Variants in PDE4B observed in about 807,000 individuals in gnomAD.
PDE4B encodes the protein phosphodiesterase 4B, also known as 3',5'-cyclic-AMP phosphodiesterase 4B.
A neutral mutation model predicts 82.2 loss-of-function variants in PDE4B; 20 were observed. The ratio of observed to expected loss-of-function variants is 0.24; its 90% CI spans 0.17 to 0.35. The LOEUF is 0.35. Ranked by LOEUF, PDE4B falls within the 10% of genes least tolerant of loss-of-function variation. The pLI is 1.00. For synonymous variants in PDE4B, 320 were observed against 318.9 expected (o/e 1.00, Z -0.04); for missense variants, 655 against 907.2 (o/e 0.72, Z 3.57).
intron 3 of PDE4B, among the ~76,000 whole-genome samples, chr1:65,979,133 C>T (rs1015372562): frequency 6.6e-6 from 1 of 152,150 alleles, no homozygotes; most frequent in Non-Finnish European, 1.5e-5. Context: ...TTGGAACCCT[C>T]ACTCCAGAAA....
chr1:66,147,230 C>T (rs1405699993), intron 3 of PDE4B, among the ~76,000 whole-genome samples: 1 of 152,182 alleles, frequency 6.6e-6, no homozygotes, highest in Non-Finnish European at 1.5e-5. Flanking sequence ...GTTCCCATTG[C>T]TATAAGCAAA....
intron 3 of PDE4B, among the ~76,000 whole-genome samples, chr1:66,177,679 C>A (rs888360604): frequency 8.0e-6 from 1 of 125,592 alleles, no homozygotes; most frequent in African/African-American, 3.0e-5. Flanking sequence ...GTGTCCACAG[C>A]GCATTGAAGC....
chr1:66,218,717 A>C (rs1570492607), intron 3 of PDE4B, among the ~76,000 whole-genome samples: 1 of 152,126 alleles, frequency 6.6e-6, no homozygotes, highest in Admixed American at 6.6e-5. Context: ...ATCCTTGTAC[A>C]TATGCTATTC....
At chr1:65,927,300 G>C (rs186276631) in intron 3 of PDE4B, among the ~76,000 whole-genome samples, 25 of 151,160 alleles carry the variant, frequency 1.7e-4, no homozygotes, top group African/African-American at 5.8e-4. Context: ...ATAGTATAGG[G>C]GTAAGGGAAA....
chr1:65,995,060 A>T (rs1651462994), intron 3 of PDE4B, among the ~76,000 whole-genome samples: 1 of 152,166 alleles, frequency 6.6e-6, no homozygotes, highest in South Asian at 2.1e-4. Flanking sequence ...TTAAAACAAA[A>T]TGTTACAATT....
intron 3 of PDE4B, among the ~76,000 whole-genome samples, chr1:66,107,581 A>T (rs1386293682): frequency 6.6e-6 from 1 of 152,092 alleles, no homozygotes; most frequent in East Asian, 1.9e-4. Context: ...ATGACCAAAA[A>T]TACTTTTTAT....
intron 3 of PDE4B, among the ~76,000 whole-genome samples, chr1:65,989,654 C>G (rs1251726728): frequency 6.6e-6 from 1 of 152,108 alleles, no homozygotes; most frequent in East Asian, 1.9e-4. Context: ...AAGGGTTATA[C>G]ATGAACCGGA....
intron 3 of PDE4B, among the ~76,000 whole-genome samples, chr1:66,141,793 C>A (rs1258867720): frequency 6.6e-6 from 1 of 152,112 alleles, no homozygotes; most frequent in African/African-American, 2.4e-5. Context: ...GTCGGTCATT[C>A]TTCAAACTAG....
intron 3 of PDE4B, among the ~76,000 whole-genome samples, chr1:66,231,033 A>T (rs1271551202): frequency 1.0e-5 from 1 of 96,620 alleles, no homozygotes; most frequent in Non-Finnish European, 1.7e-5. Flanking sequence ...GAATCTGTCT[A>T]AAAAAAAAAA....
chr1:65,866,424 C>T (rs958056779), intron 1 of PDE4B, among the ~76,000 whole-genome samples: 2 of 151,938 alleles, frequency 1.3e-5, no homozygotes, highest in African/African-American at 4.8e-5. Context: ...AAGCAATTTC[C>T]CCAGAAACTT....
chr1:66,116,723 C>T (rs1478753132), intron 3 of PDE4B, among the ~76,000 whole-genome samples: 1 of 152,044 alleles, frequency 6.6e-6, no homozygotes, highest in Non-Finnish European at 1.5e-5. Context: ...GCCACCACAC[C>T]CGGCTGATCT....
rs372256679 is a variant in PDE4B at position 66,138,511 on chromosome 1, C to T, written c.282-108949C>T. Reference sequence around the variant, plus strand: ...TCCAGCCTGGGCAACCAAGCAAGGTCGAGCAAGACTCCATATCTACAGATT... The same window carrying T: ...TCCAGCCTGGGCAACCAAGCAAGGTTGAGCAAGACTCCATATCTACAGATT... On this transcript the variant is annotated intron_variant, in intron 3 of 16. Coordinates refer to ENST00000341517, the MANE Select transcript of PDE4B (RefSeq NM_002600.4). Among the ~76,000 whole-genome samples the T allele has an allele frequency of 2.0e-4, 30 of 152,112 alleles. 1 individual carries two copies. The South Asian group carries it at 5.8e-3, about 30-fold the overall frequency.
chr1:66,091,235 G>A (rs1645017581), intron 3 of PDE4B, among the ~76,000 whole-genome samples: 1 of 152,024 alleles, frequency 6.6e-6, no homozygotes, highest in Admixed American at 6.6e-5. Flanking sequence ...TTCAAGCCAA[G>A]CCTACTGCGG....
chr1:66,111,587 C>A (rs955196166), intron 3 of PDE4B, among the ~76,000 whole-genome samples: 7 of 152,042 alleles, frequency 4.6e-5, no homozygotes, highest in African/African-American at 1.7e-4. Flanking sequence ...TTGTAGCATG[C>A]ATTAGAATTT....
chr1:65,864,760 C>T lies in PDE4B; in HGVS notation c.-70-48485C>T, dbSNP rs181804513. Among the ~76,000 whole-genome samples, 7 of 152,262 alleles carry T rather than the reference C, an allele frequency of 4.6e-5. No homozygotes were observed. In the East Asian group the frequency reaches 1.4e-3, roughly 29 times the overall value. ...AAGCTTCATCCCAGAGGGGCACCAGCCTGATGCCAGCTGGAACTCTCCTGT... is the reference window on the plus strand; with the variant it reads ...AAGCTTCATCCCAGAGGGGCACCAGTCTGATGCCAGCTGGAACTCTCCTGT... On this transcript the variant is annotated intron_variant, in intron 1 of 16. Transcript: ENST00000341517.
At position 66,178,413 on chromosome 1, in the gene PDE4B, A is replaced by T. The variant is rs575705600; in HGVS notation, c.282-69047A>T. On this transcript the variant is annotated intron_variant, in intron 3 of 16. Coordinates refer to ENST00000341517, the MANE Select transcript of PDE4B (RefSeq NM_002600.4). Reference sequence around the variant, plus strand: ...GAAAACTCGGTTCCGTGTTATTCTAAAACTCTTTCTACCATATGATAAATA... The same window carrying T: ...GAAAACTCGGTTCCGTGTTATTCTATAACTCTTTCTACCATATGATAAATA... Among the ~76,000 whole-genome samples the T allele has an allele frequency of 8.4e-4, 128 of 152,278 alleles. 1 individual carries two copies. In the Middle Eastern group the frequency reaches 0.01, roughly 12 times the overall value.
At chr1:65,808,913 T>C (rs1028263693) in intron 1 of PDE4B, among the ~76,000 whole-genome samples, 3 of 152,188 alleles carry the variant, frequency 2.0e-5, no homozygotes, top group African/African-American at 7.2e-5. Flanking sequence ...AACTTAAGAG[T>C]AGCTCATTTT....
intron 3 of PDE4B, among the ~76,000 whole-genome samples, chr1:66,204,438 C>G (rs893804775): frequency 2.6e-5 from 4 of 152,166 alleles, no homozygotes; most frequent in Non-Finnish European, 5.9e-5. Flanking sequence ...TGTGCCCTGC[C>G]CCCATAGGTG....
At chr1:65,852,980 T>A (rs1460289936) in intron 1 of PDE4B, among the ~76,000 whole-genome samples, 1 of 152,108 alleles carries the variant, frequency 6.6e-6, no homozygotes, top group Non-Finnish European at 1.5e-5. Flanking sequence ...GAGAAGAGTA[T>A]TGAATTATCC....
Sources: gnomAD v4.1 joint callset for allele counts (sites outside exome capture counted in the v4.1 genomes callset) on GRCh38, gnomAD v4.1.1 for gene constraint, MANE v1.5 for transcripts, NCBI Gene and HGNC (gene_info 2026-07-23, HGNC 2026-07-21) for gene names.